Variants in CALN1 observed in about 807,000 individuals in gnomAD.
The protein encoded by CALN1 is calcium-binding protein 8.
In CALN1, 17 loss-of-function variants were observed where a neutral mutation model predicts 30.6. That is an observed-to-expected ratio of 0.56 (90% CI 0.38 to 0.83). CALN1 has a LOEUF of 0.83. Ranked by LOEUF, CALN1 falls within the 40% of genes least tolerant of loss-of-function variation. The pLI is 0.00. For missense variants in CALN1, 291 were observed against 354.9 expected (o/e 0.82, Z 1.45); for synonymous variants, 156 against 131.4 (o/e 1.19, Z -1.28).
At chr7:72,183,855 T>C (rs1789990286) in intron 3 of CALN1, among the ~76,000 whole-genome samples, 1 of 152,144 alleles carries the variant, frequency 6.6e-6, no homozygotes, top group Non-Finnish European at 1.5e-5. Flanking sequence ...GTCCCAAATT[T>C]GAGGTATAGG....
At chr7:72,349,091 T>C (rs1156877734) in intron 2 of CALN1, among the ~76,000 whole-genome samples, 1 of 152,200 alleles carries the variant, frequency 6.6e-6, no homozygotes, top group Non-Finnish European at 1.5e-5. Context: ...ATTTGAGGGC[T>C]TAACATAACA....
chr7:72,344,384 G>A (rs1462536740), intron 2 of CALN1, among the ~76,000 whole-genome samples: 1 of 151,966 alleles, frequency 6.6e-6, no homozygotes, highest in Non-Finnish European at 1.5e-5. Flanking sequence ...TTAGAAAAAT[G>A]TCAAAAAATA....
intron 5 of CALN1, among the ~76,000 whole-genome samples, chr7:71,858,300 C>G (rs994316550): frequency 2.6e-5 from 4 of 152,086 alleles, no homozygotes; most frequent in African/African-American, 7.2e-5. Context: ...CCTGAGGCCT[C>G]CCCAGCCATG....
At chr7:72,409,182 G>A (rs934995269) in intron 1 of CALN1, among the ~76,000 whole-genome samples, 2 of 151,718 alleles carry the variant, frequency 1.3e-5, no homozygotes, top group Non-Finnish European at 1.5e-5. Flanking sequence ...TTTTAGTAGA[G>A]ACAGTGTTTC....
intron 1 of CALN1, among the ~76,000 whole-genome samples, chr7:72,427,473 AG>A (rs1406673822): frequency 6.6e-6 from 1 of 152,106 alleles, no homozygotes; most frequent in Admixed American, 6.6e-5. Flanking sequence ...TACTCTTTGC[AG>A]AGAAAGATAC....
At chr7:72,033,045 T>A (rs1043622873) in intron 4 of CALN1, among the ~76,000 whole-genome samples, 1 of 152,232 alleles carries the variant, frequency 6.6e-6, no homozygotes, top group African/African-American at 2.4e-5. Context: ...GAAGAAAGAA[T>A]GTAATTCACT....
intron 2 of CALN1, among the ~76,000 whole-genome samples, chr7:72,399,968 A>C (rs1806228630): frequency 6.6e-6 from 1 of 152,222 alleles, no homozygotes; most frequent in Non-Finnish European, 1.5e-5. Context: ...TCCATATGAC[A>C]TGCCTGCTCC....
chr7:72,370,464 C>T (rs1804166516), intron 2 of CALN1, among the ~76,000 whole-genome samples: 1 of 151,826 alleles, frequency 6.6e-6, no homozygotes, highest in Non-Finnish European at 1.5e-5. Flanking sequence ...ACCATCCTGG[C>T]TAACACGGTA....
chr7:72,326,172 G>T lies in CALN1; in HGVS notation c.120-47362C>A, dbSNP rs917406109. Among the ~76,000 whole-genome samples the T allele has an allele frequency of 4.0e-4, 61 of 152,270 alleles. 1 individual carries two copies. Among genetic ancestry groups the T allele is most frequent in the Non-Finnish European group, 1.6e-4 (11 of 68,018 alleles). The stretch of plus-strand genomic sequence containing the variant: ...CCTGCCTGGGCCTCCCAAAGTGCTG[G>T]GATTACAGGCGTGAGCCATCATGCC... On this transcript the variant is annotated intron_variant, in intron 2 of 6. Transcript: ENST00000395275.
chr7:72,335,302 G>A (rs1474098227), intron 2 of CALN1, among the ~76,000 whole-genome samples: 1 of 152,272 alleles, frequency 6.6e-6, no homozygotes, highest in East Asian at 1.9e-4. Flanking sequence ...AAGCTCTGAT[G>A]CCCGAATTGA....
At chr7:72,220,023 T>A (rs1793159513) in intron 3 of CALN1, among the ~76,000 whole-genome samples, 1 of 151,368 alleles carries the variant, frequency 6.6e-6, no homozygotes, top group African/African-American at 2.4e-5. Context: ...GGCAACAATT[T>A]TTTTTTTATA....
intron 3 of CALN1, among the ~76,000 whole-genome samples, chr7:72,220,356 A>G (rs1451062806): frequency 2.0e-5 from 3 of 151,814 alleles, no homozygotes; most frequent in Non-Finnish European, 4.4e-5. Flanking sequence ...CCATGTCCCT[A>G]CAAAGGACAC....
At chr7:72,134,170 T>G (rs767639757) in intron 3 of CALN1, among the ~76,000 whole-genome samples, 8 of 152,194 alleles carry the variant, frequency 5.3e-5, no homozygotes, top group Non-Finnish European at 1.2e-4. Flanking sequence ...CTCCAGAGAA[T>G]GCAGCAACAG....
intron 3 of CALN1, among the ~76,000 whole-genome samples, chr7:72,181,556 G>A (rs376341746): frequency 6.2e-4 from 93 of 150,400 alleles, no homozygotes; most frequent in Middle Eastern, 3.4e-3. Context: ...TCGGCTCATT[G>A]CAACCTTCAC....
intron 1 of CALN1, among the ~76,000 whole-genome samples, chr7:72,408,914 G>A (rs541000337): frequency 6.6e-5 from 10 of 152,030 alleles, no homozygotes; most frequent in Admixed American, 2.6e-4. Flanking sequence ...TTGGGCTCAA[G>A]TAATCTACCC....
rs990747230 is a variant in CALN1, at chr7:72,097,648, A to C, written c.388+8503T>G. On this transcript the variant is annotated intron_variant, in intron 4 of 6. Coordinates refer to ENST00000395275, the MANE Select transcript of CALN1 (RefSeq NM_031468.4). ...AAAGTGAGACCCCCTATGTCTACCC[A>C]AAAAAAAAAAAAAAAATTAAACAGA... Among the ~76,000 whole-genome samples the C allele has an allele frequency of 3.1e-4, 3 of 9,830 alleles. 1 individual carries two copies. Among genetic ancestry groups the C allele is most frequent in the Non-Finnish European group, 5.3e-4 (2 of 3,804 alleles). 6.4% of individuals were successfully genotyped at this position (9,830 alleles called of 152,430 possible). A position where few individuals can be genotyped will look rare whatever the true frequency, so the allele number is the denominator to read the frequency against.
chr7:71,997,340 T>C (rs1336227350), intron 5 of CALN1, among the ~76,000 whole-genome samples: 1 of 152,078 alleles, frequency 6.6e-6, no homozygotes, highest in East Asian at 1.9e-4. Context: ...AGATGACAGA[T>C]GTCAAAATCA....
At chr7:72,027,731 ACACACACACAC>A (rs1801163020) in intron 4 of CALN1, among the ~76,000 whole-genome samples, 1 of 140,396 alleles carries the variant, frequency 7.1e-6, no homozygotes, top group African/African-American at 2.9e-5. Context: ...AAACAAACAC[ACACACACACAC>A]ACACACACAC....
rs529414342 is a variant in CALN1, at chr7:72,084,362, T to C, written c.388+21789A>G. Among the ~76,000 whole-genome samples the C allele has an allele frequency of 3.6e-4, 54 of 151,170 alleles. No homozygotes were observed. In the South Asian group the frequency reaches 9.1e-3, roughly 25 times the overall value. The stretch of plus-strand genomic sequence containing the variant: ...TAAAAGTAAAAGCTAAAACCATAAA[T>C]CTTCCAGCAGAAAATGTAGTAAAAT... On this transcript the variant is annotated intron_variant, in intron 4 of 6. Transcript: ENST00000395275.
Sources: gnomAD v4.1 joint callset for allele counts (sites outside exome capture counted in the v4.1 genomes callset) on GRCh38, gnomAD v4.1.1 for gene constraint, MANE v1.5 for transcripts, NCBI Gene and HGNC (gene_info 2026-07-23, HGNC 2026-07-21) for gene names.